Variants in SECISBP2 observed in about 807,000 individuals in gnomAD.
SECISBP2 encodes SECIS binding protein 2.
In SECISBP2, 96 loss-of-function variants were observed where a neutral mutation model predicts 98.2. The ratio of observed to expected loss-of-function variants is 0.98; its 90% CI spans 0.83 to 1.16. SECISBP2 has a LOEUF of 1.16. Among genes scored for constraint, SECISBP2 ranks in the 50% most tolerant of loss-of-function variants. SECISBP2 has a pLI of 0.00. For synonymous variants in SECISBP2, 407 were observed against 370.2 expected (o/e 1.10, Z -1.14); for missense variants, 1,046 against 1,022.9 (o/e 1.02, Z -0.31).
chr9:89,318,636 C>T, intron 1 of SECISBP2, 24 bp downstream of exon 1: 1 of 1,415,884 alleles, frequency 7.1e-7, no homozygotes, highest in Non-Finnish European at 9.1e-7. Flanking sequence ...GGGGCTCTCT[C>T]GGCAGCCTCA....
chr9:89,325,092 T>A (rs184731531), intron 2 of SECISBP2: 7 of 341,772 alleles, frequency 2.0e-5, no homozygotes, highest in Middle Eastern at 1.0e-3. Context: ...GCAGAGAGAA[T>A]GGTCTTTAGG....
chr9:89,348,294 T>G, intron 12 of SECISBP2, 80 bp downstream of exon 12: 2 of 1,533,614 alleles, frequency 1.3e-6, no homozygotes, highest in African/African-American at 1.4e-5. Context: ...GAGCAAACTC[T>G]CCAGGACTTG....
chr9:89,363,781 C>G (rs1327327193), downstream of SECISBP2: 2 of 1,613,836 alleles, frequency 1.2e-6, no homozygotes, highest in Non-Finnish European at 1.7e-6. Context: ...AAGTCTTGTT[C>G]CCTGCTGAGG....
intron 2 of SECISBP2, among the ~76,000 whole-genome samples, chr9:89,321,632 C>G (rs534160072): frequency 6.6e-5 from 10 of 151,760 alleles, no homozygotes; most frequent in African/African-American, 2.4e-4. Context: ...CGCCACTGCA[C>G]TTCAGCCTGG....
rs765488162 is a variant in SECISBP2, at chr9:89,318,568, C to T, written c.-9C>T. On this transcript the variant is annotated 5_prime_UTR_variant, in exon 1 of 17. Coordinates refer to ENST00000375807, the MANE Select transcript of SECISBP2 (RefSeq NM_024077.5). ...CCTCCGTGACGCGGCCTCCTCCGCG[C>T]CTCGCGGCATGGCGTCGGAGGGGCC... is the stretch of plus-strand genomic sequence containing the variant. 6.6e-7 allele frequency: 1 copy of T among 1,504,574 alleles called. No homozygotes were observed. Among genetic ancestry groups the T allele is most frequent in the South Asian group, 1.2e-5 (1 of 81,420 alleles). The allele number at this position is 1,504,574 out of a possible 1,614,324, so 93.2% of individuals were successfully genotyped here.
chr9:89,325,032 A>C (rs1380002957), intron 2 of SECISBP2: 1 of 293,600 alleles, frequency 3.4e-6, no homozygotes, highest in Non-Finnish European at 6.5e-6. Flanking sequence ...GGAGAAAACC[A>C]TTTGCAGGAG....
rs1832277555 is a variant in SECISBP2 at position 89,357,553 on chromosome 9, T to C, written c.2256T>C (p.Tyr752=). 1 of 1,613,750 alleles carries C rather than the reference T, an allele frequency of 6.2e-7. No individual in the cohort carries two copies. Among genetic ancestry groups the C allele is most frequent in the Non-Finnish European group, 8.5e-7 (1 of 1,179,996 alleles). ...TCAGTGTGGTGGGGATCTTCAGCTA[T>C]GATGGGGCCCAGGTGAGTGCACAGG... ...VPVSVVGIFS[Y]DGAQDQFHKM... is the part of the protein sequence containing the mutation. The change falls in exon 15 of 17, where the codon TAT becomes TAC. Residue 752 remains tyrosine (Y), a synonymous_variant. Transcript: ENST00000375807.
At chr9:89,324,621 C>A (rs1301815004) in intron 2 of SECISBP2, 3 of 151,910 alleles carry the variant, frequency 2.0e-5, no homozygotes, top group Non-Finnish European at 4.4e-5. Context: ...AAGGGTGTGT[C>A]ATGACTAGGT....
chr9:89,329,556 G>A (rs933209415), intron 5 of SECISBP2: 1 of 152,426 alleles, frequency 6.6e-6, no homozygotes, highest in Non-Finnish European at 1.5e-5. Flanking sequence ...CCGCCTTCCG[G>A]GTTCAAGCAG....
At chr9:89,366,516 A>T in the SECISBP2 span, among the ~76,000 whole-genome samples, 2 of 151,580 alleles carry the variant, frequency 1.3e-5, no homozygotes, top group African/African-American at 2.4e-5. Context: ...TGCAGAATTT[A>T]AAAAAAAACA....
At chr9:89,345,527 C>A (rs1467026643) in intron 10 of SECISBP2, among the ~76,000 whole-genome samples, 2 of 152,174 alleles carry the variant, frequency 1.3e-5, no homozygotes, top group African/African-American at 4.8e-5. Flanking sequence ...TGGTCACTTT[C>A]CAGAGGGCTG....
chr9:89,347,541 C>A (rs140432783), intron 11 of SECISBP2, among the ~76,000 whole-genome samples: 1 of 144,618 alleles, frequency 6.9e-6, no homozygotes, highest in Non-Finnish European at 1.5e-5. Flanking sequence ...AGAGCGATCT[C>A]GGCTCACTGC....
At chr9:89,364,142 C>T (rs1833205915), downstream of SECISBP2, 13 of 1,178,268 alleles carry the variant, frequency 1.1e-5, no homozygotes, top group Admixed American at 2.6e-5. Flanking sequence ...GGCCTTGGCC[C>T]GTCCTGTGGA....
chr9:89,343,586 CAT>C (rs1026935925), intron 10 of SECISBP2, among the ~76,000 whole-genome samples: 30 of 152,298 alleles, frequency 2.0e-4, no homozygotes, highest in Admixed American at 1.6e-3. Flanking sequence ...TAAGTGAGAA[CAT>C]GTGGTATTTG....
chr9:89,362,135 C>A (rs1324355837), downstream of SECISBP2: 1 of 582,730 alleles, frequency 1.7e-6, no homozygotes, highest in African/African-American at 1.9e-5. Context: ...TCCTGGTTAC[C>A]TGCTTGTGCC....
chr9:89,328,523 C>T (rs144697175), intron 4 of SECISBP2, 137 bp from the exon 5 acceptor site: 14 of 705,602 alleles, frequency 2.0e-5, no homozygotes, highest in East Asian at 8.1e-5. Flanking sequence ...TGAACAACAC[C>T]GGTAAGAGTT....
At chr9:89,350,057 G>GT in intron 13 of SECISBP2, 128 bp downstream of exon 13, 2 of 1,107,446 alleles carry the variant, frequency 1.8e-6, no homozygotes, top group Non-Finnish European at 1.3e-6. Context: ...ATGGTTGAAA[G>GT]AAGCTGGGTA....
chr9:89,364,075 C>T (rs45615438), downstream of SECISBP2: 264,257 of 1,575,944 alleles, frequency 0.17, 27,044 homozygotes, highest in Admixed American at 0.41. Flanking sequence ...GGACAACTTC[C>T]AATTCAGTCC....
downstream of SECISBP2, chr9:89,361,503 G>A (rs1832761313): frequency 6.6e-6 from 1 of 152,150 alleles, no homozygotes; most frequent in Admixed American, 6.5e-5. Flanking sequence ...AGTAGCTTTA[G>A]GACAAGTTCA....
Sources: gnomAD v4.1 joint callset for allele counts (sites outside exome capture counted in the v4.1 genomes callset) on GRCh38, gnomAD v4.1.1 for gene constraint, MANE v1.5 for transcripts, NCBI Gene and HGNC (gene_info 2026-07-23, HGNC 2026-07-21) for gene names.